MITF: variants seen among roughly 807,000 people sequenced by gnomAD.
MITF encodes the protein melanocyte inducing transcription factor.
Under a neutral mutation model 60.5 loss-of-function variants are expected in MITF, and 17 were observed. The observed-to-expected ratio is 0.28, with a 90% CI of 0.19 to 0.42. The LOEUF (loss-of-function observed/expected upper bound fraction) is 0.42. Ranked by LOEUF, MITF falls within the 10% of genes least tolerant of loss-of-function variation. The pLI is 1.00. For synonymous variants in MITF, 260 were observed against 248.5 expected, an observed-to-expected ratio of 1.05 and a Z score of -0.43; for missense variants, 622 against 683.5, an observed-to-expected ratio of 0.91 and a Z score of 1.00.
chr3:69,913,896 A>G (rs1383917308), intron 2 of MITF, among the ~76,000 whole-genome samples: 1 of 152,204 alleles, frequency 6.6e-6, no homozygotes, highest in Non-Finnish European at 1.5e-5. Context: ...CTTTTTATTA[A>G]CTGTGACACA....
chr3:69,896,150 A>G (rs1206202080), intron 2 of MITF, among the ~76,000 whole-genome samples: 1 of 152,196 alleles, frequency 6.6e-6, no homozygotes, highest in Non-Finnish European at 1.5e-5. Context: ...GGCAAATAAG[A>G]CAGTCATGTC....
At position 69,949,102 on chromosome 3, in the gene MITF, C is replaced by A. The variant is rs762355502; in HGVS notation, c.814C>A (p.Pro272Thr). The change falls in exon 6 of 10, where the codon CCA (proline) becomes ACA (threonine). Residue 272 changes from proline (P) to threonine (T), a missense_variant. Around this residue, in one of 5 missense-constraint regions of MITF, gnomAD observed 215 missense variants for 224.8 expected, o/e 0.96. Transcript: ENST00000352241. ...TCTTTATGGAAACCAAGGTCTGCCC[C>A]CACCAGGCCTCACCATCAGCAACTC... Reference protein sequence around the residue: ...IDLYGNQGLPPPGLTISNSCP... With the variant: ...IDLYGNQGLPTPGLTISNSCP... 5.6e-6 allele frequency: 9 copies of A among 1,613,594 alleles called. No homozygotes were observed.
chr3:69,896,249 A>G (rs368321735), intron 2 of MITF, among the ~76,000 whole-genome samples: 3 of 152,206 alleles, frequency 2.0e-5, no homozygotes, highest in African/African-American at 7.2e-5. Flanking sequence ...ATTTAAAGAG[A>G]AAGTCTTAGC....
At chr3:69,803,114 C>T (rs1171164922) in intron 1 of MITF, among the ~76,000 whole-genome samples, 1 of 152,088 alleles carries the variant, frequency 6.6e-6, no homozygotes, top group African/African-American at 2.4e-5. Flanking sequence ...GTTTTGCCAG[C>T]CAAACCTTAC....
At chr3:69,779,697 A>G (rs1445395824) in intron 1 of MITF, among the ~76,000 whole-genome samples, 1 of 152,138 alleles carries the variant, frequency 6.6e-6, no homozygotes, top group Non-Finnish European at 1.5e-5. Context: ...CAAAAAATAT[A>G]TATAATTAAA....
At chr3:69,835,829 G>T (rs886412576) in intron 1 of MITF, among the ~76,000 whole-genome samples, 5 of 152,054 alleles carry the variant, frequency 3.3e-5, no homozygotes, top group Non-Finnish European at 7.4e-5. Context: ...TGTTTCATTG[G>T]TCTTTGTGTG....
intron 2 of MITF, among the ~76,000 whole-genome samples, chr3:69,901,382 C>A (rs943646830): frequency 6.6e-6 from 1 of 151,942 alleles, no homozygotes; most frequent in African/African-American, 2.4e-5. Context: ...TTACTATTTC[C>A]ATTTTGCCAA....
chr3:69,923,914 G>GT (rs111300910), intron 2 of MITF, among the ~76,000 whole-genome samples: 4,175 of 150,050 alleles, frequency 0.028, 105 homozygotes, highest in African/African-American at 0.066. Context: ...GTTTTTGTTT[G>GT]TTTTTTTTTG....
chr3:69,887,673 T>C (rs763224568), intron 2 of MITF, among the ~76,000 whole-genome samples: 1 of 152,106 alleles, frequency 6.6e-6, no homozygotes, highest in Non-Finnish European at 1.5e-5. Flanking sequence ...GAAATTGTTT[T>C]AATTACTCTT....
chr3:69,770,790 T>G (rs1235242065), intron 1 of MITF, among the ~76,000 whole-genome samples: 1 of 152,150 alleles, frequency 6.6e-6, no homozygotes, highest in Non-Finnish European at 1.5e-5. Context: ...GATGGTTGAA[T>G]GTAGGAAGTG....
At chr3:69,861,424 G>A (rs1454166256) in intron 1 of MITF, among the ~76,000 whole-genome samples, 1 of 152,232 alleles carries the variant, frequency 6.6e-6, no homozygotes, top group Non-Finnish European at 1.5e-5. Context: ...AAAGAAAGAA[G>A]CTTGCTTCAA....
intron 1 of MITF, chr3:69,866,148 C>A: frequency 6.8e-7 from 1 of 1,462,920 alleles, no homozygotes; most frequent in Non-Finnish European, 9.0e-7. Flanking sequence ...AGAAACCAGG[C>A]ACCGTTCTAG....
rs1226144443 is a variant in MITF, at chr3:69,879,094, T to C, written c.105-40T>C. The C allele has an allele frequency of 6.4e-7, 1 of 1,572,668 alleles. No individual in the cohort carries two copies. Among genetic ancestry groups the C allele is most frequent in the Non-Finnish European group, 8.8e-7 (1 of 1,142,612 alleles). ...CCAAAGTGCAAACGAAGGGTCTCAT[T>C]AGGAAACTAAATGTTGTATGCATTT... On this transcript the variant is annotated intron_variant, in intron 1 of 9. Transcript: ENST00000352241.
rs1226512774 is a variant in MITF at position 69,844,035 on chromosome 3, T to C, written c.105-35099T>C. ...TGTGTTAGTTTGCTGAGAATTATGG[T>C]TTCCAGCTTCATCCATGTCCCTGCA... On this transcript the variant is annotated intron_variant, in intron 1 of 9. Coordinates refer to ENST00000352241, the MANE Select transcript of MITF (RefSeq NM_001354604.2). 3.3e-5 allele frequency among the ~76,000 whole-genome samples: 5 copies of C among 152,158 alleles called. No homozygotes were observed. In the South Asian group the frequency reaches 8.3e-4, roughly 25 times the overall value.
rs143446101 is a variant in MITF, at chr3:69,798,292, G to A, written c.104+58591G>A. Reference sequence around the variant, plus strand: ...TGTATTAGTGGAAGCCAGGCAGATCGACTTTATTGAATTCCTTCTATATGT... The same window carrying A: ...TGTATTAGTGGAAGCCAGGCAGATCAACTTTATTGAATTCCTTCTATATGT... On this transcript the variant is annotated intron_variant, in intron 1 of 9. Coordinates refer to ENST00000352241, the MANE Select transcript of MITF (RefSeq NM_001354604.2). Among the ~76,000 whole-genome samples, 68 of 152,312 alleles carry A rather than the reference G, an allele frequency of 4.5e-4. No individual in the cohort carries two copies. The South Asian group carries it at 0.014, about 31-fold the overall frequency.
intron 1 of MITF, among the ~76,000 whole-genome samples, chr3:69,751,048 C>A (rs1008815967): frequency 2.0e-5 from 3 of 151,964 alleles, no homozygotes; most frequent in Non-Finnish European, 2.9e-5. Flanking sequence ...CATAAGGAGC[C>A]CTGGCCCAAA....
Position 69,946,179 on chromosome 3 carries a change from A to G in MITF, c.763-2872A>G, listed in dbSNP as rs1576022473. On this transcript the variant is annotated intron_variant, in intron 5 of 9. Coordinates refer to ENST00000352241, the MANE Select transcript of MITF (RefSeq NM_001354604.2). ...ATCTTATAAGACCCCTGTGAGAAGAATGTTGTCACTTTTCAATTGGAGACA... is the reference window on the plus strand; with the variant it reads ...ATCTTATAAGACCCCTGTGAGAAGAGTGTTGTCACTTTTCAATTGGAGACA... 2.0e-5 allele frequency among the ~76,000 whole-genome samples: 3 copies of G among 152,162 alleles called. No individual in the cohort carries two copies. In the South Asian group the frequency reaches 6.2e-4, roughly 31 times the overall value.
chr3:69,963,569 C>A (rs2066603687), intron 9 of MITF, among the ~76,000 whole-genome samples: 1 of 152,090 alleles, frequency 6.6e-6, no homozygotes, highest in Admixed American at 6.6e-5. Flanking sequence ...TATTAAATAA[C>A]CATATTACTT....
At chr3:69,763,389 CAAGT>C (rs2062239623) in intron 1 of MITF, among the ~76,000 whole-genome samples, 1 of 152,094 alleles carries the variant, frequency 6.6e-6, no homozygotes, top group South Asian at 2.1e-4. Context: ...GTTTTGGAGC[CAAGT>C]AACCTGTTGA....
Sources: allele counts gnomAD v4.1 joint callset (sites outside exome capture counted in the v4.1 genomes callset), GRCh38; gene constraint gnomAD v4.1.1; regional missense constraint gnomAD v4.1.1; transcripts MANE v1.5; gene names NCBI Gene and HGNC (gene_info 2026-07-23, HGNC 2026-07-21).